The following KDM4C variants were observed in gnomAD, a reference collection of about 807,000 sequenced individuals.
KDM4C encodes the protein lysine demethylase 4C.
KDM4C carries 81 observed loss-of-function variants against 129.3 expected under a neutral mutation model. That is an observed-to-expected ratio of 0.63 (90% CI 0.52 to 0.75). The LOEUF is 0.75. Ranked by LOEUF, KDM4C falls within the 30% of genes least tolerant of loss-of-function variation. KDM4C has a pLI of 0.00. For missense variants in KDM4C, 1,457 were observed against 1,304.0 expected (o/e 1.12, Z -1.81); for synonymous variants, 573 against 456.1 (o/e 1.26, Z -3.26).
chr9:7,124,936 G>A (rs968375523), intron 18 of KDM4C, among the ~76,000 whole-genome samples: 4 of 152,064 alleles, frequency 2.6e-5, no homozygotes, highest in African/African-American at 4.8e-5. Flanking sequence ...ATTCTTGTCC[G>A]CAGTTCCTTT....
intron 11 of KDM4C, among the ~76,000 whole-genome samples, chr9:6,988,925 C>T (rs949856661): frequency 1.3e-5 from 2 of 152,120 alleles, no homozygotes; most frequent in Non-Finnish European, 1.5e-5. Context: ...TATTTTCCTT[C>T]GTTACATATT....
At chr9:6,934,749 A>T (rs1276583935) in intron 8 of KDM4C, among the ~76,000 whole-genome samples, 1 of 152,140 alleles carries the variant, frequency 6.6e-6, no homozygotes, top group Non-Finnish European at 1.5e-5. Flanking sequence ...GGCGTGAGCC[A>T]CTGCGCCCGG....
chr9:6,770,260 G>T (rs973914639), intron 1 of KDM4C, among the ~76,000 whole-genome samples: 4 of 151,246 alleles, frequency 2.6e-5, no homozygotes, highest in Admixed American at 2.6e-4. Flanking sequence ...AAGGAAAAAT[G>T]TTGGGTAACA....
intron 18 of KDM4C, among the ~76,000 whole-genome samples, chr9:7,124,361 G>A (rs964490655): frequency 6.6e-6 from 1 of 152,194 alleles, no homozygotes; most frequent in Non-Finnish European, 1.5e-5. Flanking sequence ...AGAAAGTTCT[G>A]CCAAGATGAA....
intron 12 of KDM4C, among the ~76,000 whole-genome samples, chr9:6,997,169 T>C (rs929891528): frequency 6.6e-6 from 1 of 151,974 alleles, no homozygotes; most frequent in African/African-American, 2.4e-5. Context: ...TAATGACTGT[T>C]TGTTGTTGCT....
chr9:6,925,209 G>A lies in KDM4C; in HGVS notation c.921+31977G>A. The A allele has an allele frequency of 3.0e-6, 3 of 985,410 alleles. No homozygotes were observed. The African/African-American group carries it at 5.2e-5, about 17-fold the overall frequency. The allele number at this position is 985,410 out of a possible 1,614,324, so 61.0% of individuals were successfully genotyped here. On this transcript the variant is annotated intron_variant, in intron 8 of 21. Transcript: ENST00000381309. ...CAGGGCTGTCACTGTTGGCGATACA[G>A]CTCATGTGAGAGCTGTGGCAGAGCT...
intron 18 of KDM4C, 200 bp downstream of exon 18, chr9:7,104,070 C>T (rs750490950): frequency 4.5e-5 from 25 of 552,264 alleles, no homozygotes; most frequent in African/African-American, 2.1e-4. Flanking sequence ...GCCTGGTGCA[C>T]GCTAGGCACA....
intron 5 of KDM4C, among the ~76,000 whole-genome samples, chr9:6,878,804 C>G (rs1028991169): frequency 1.4e-5 from 2 of 140,816 alleles, no homozygotes; most frequent in Non-Finnish European, 3.1e-5. Flanking sequence ...CCCCCACACC[C>G]ACACCCACAC....
intron 21 of KDM4C, among the ~76,000 whole-genome samples, chr9:7,171,939 A>AAAGGCTCACGGTC (rs1845006463): frequency 6.6e-6 from 1 of 151,836 alleles, no homozygotes; most frequent in Non-Finnish European, 1.5e-5. Context: ...CTTAGGGAAC[A>AAAGGCTCACGGTC]AAGGCTCACG....
chr9:6,806,979 C>G (rs62568039), intron 3 of KDM4C, among the ~76,000 whole-genome samples: 1 of 152,078 alleles, frequency 6.6e-6, no homozygotes, highest in Admixed American at 6.5e-5. Flanking sequence ...CTGCCATCTC[C>G]GCTCACTGCA....
At chr9:6,975,713 C>G (rs994646372) in intron 8 of KDM4C, among the ~76,000 whole-genome samples, 1 of 141,188 alleles carries the variant, frequency 7.1e-6, no homozygotes, top group African/African-American at 2.6e-5. Context: ...GGCAAAGTAT[C>G]TGAGATAATT....
intron 4 of KDM4C, among the ~76,000 whole-genome samples, chr9:6,821,580 C>T (rs529639544): frequency 5.3e-5 from 8 of 152,000 alleles, no homozygotes; most frequent in Admixed American, 2.0e-4. Flanking sequence ...TTGTTTTTTC[C>T]TTGTAAATTT....
intron 18 of KDM4C, among the ~76,000 whole-genome samples, chr9:7,114,257 T>C (rs376610071): frequency 1.3e-3 from 194 of 152,292 alleles, no homozygotes; most frequent in African/African-American, 4.4e-3. Context: ...ACTACTCGGC[T>C]TTATTCTGGA....
intron 5 of KDM4C, among the ~76,000 whole-genome samples, chr9:6,864,781 T>C (rs1228502449): frequency 6.6e-6 from 1 of 151,806 alleles, no homozygotes; most frequent in East Asian, 1.9e-4. Flanking sequence ...TGGTCTTTAG[T>C]GGTAATTTTC....
chr9:7,169,956 C>G (rs769803696), intron 21 of KDM4C, 66 bp downstream of exon 21: 424 of 1,607,820 alleles, frequency 2.6e-4, no homozygotes, highest in Non-Finnish European at 4.8e-5. Context: ...CTCATGTTTC[C>G]CAAGCCCAGC....
intron 1 of KDM4C, among the ~76,000 whole-genome samples, chr9:6,787,056 A>G (rs188825842): frequency 3.0e-4 from 46 of 152,328 alleles, no homozygotes; most frequent in African/African-American, 1.0e-3. Flanking sequence ...TATGTATCTG[A>G]TTTGTAGGTA....
intron 1 of KDM4C, among the ~76,000 whole-genome samples, chr9:6,775,873 C>A (rs765844421): frequency 6.6e-6 from 1 of 152,056 alleles, no homozygotes; most frequent in Non-Finnish European, 1.5e-5. Context: ...TTGGTAATTC[C>A]TTGTTGTGGG....
chr9:7,137,182 C>CA (rs1841300641), intron 19 of KDM4C, among the ~76,000 whole-genome samples: 1 of 152,164 alleles, frequency 6.6e-6, no homozygotes, highest in East Asian at 1.9e-4. Context: ...GGCATTGGCG[C>CA]ACCTGCTGGT....
At chr9:6,857,204 A>G (rs1840018071) in intron 5 of KDM4C, among the ~76,000 whole-genome samples, 2 of 152,172 alleles carry the variant, frequency 1.3e-5, no homozygotes, top group Middle Eastern at 3.2e-3. Context: ...AGGCCAAGGC[A>G]GAAGGATTGC....
Sources: allele counts gnomAD v4.1 joint callset (sites outside exome capture counted in the v4.1 genomes callset), GRCh38; gene constraint gnomAD v4.1.1; transcripts MANE v1.5; gene names NCBI Gene and HGNC (gene_info 2026-07-23, HGNC 2026-07-21).